Variants in FBXW11 observed in about 807,000 individuals in gnomAD.
FBXW11 encodes F-box/WD repeat-containing protein 11.
FBXW11 carries 19 observed loss-of-function variants against 77.6 expected under a neutral mutation model. The observed-to-expected ratio is 0.24, with a 90% CI of 0.17 to 0.36. The LOEUF (loss-of-function observed/expected upper bound fraction) is 0.36. FBXW11 is among the 10% of genes least tolerant of loss of function. The pLI is 1.00. For synonymous variants in FBXW11, 235 were observed against 249.4 expected (o/e 0.94, Z 0.54); for missense variants, 334 against 704.2 (o/e 0.47, Z 5.95).
At chr5:172,006,144 G>A (rs1766750252) in intron 1 of FBXW11, among the ~76,000 whole-genome samples, 1 of 152,250 alleles carries the variant, frequency 6.6e-6, no homozygotes, top group Non-Finnish European at 1.5e-5. Context: ...AAGGAGAATG[G>A]GGTGCTAGAG....
At chr5:171,990,695 A>T (rs1028471345) in intron 1 of FBXW11, among the ~76,000 whole-genome samples, 1 of 152,224 alleles carries the variant, frequency 6.6e-6, no homozygotes, top group African/African-American at 2.4e-5. Flanking sequence ...CTGATATGAA[A>T]GATAACTGAG....
chr5:171,901,701 T>C (rs1351005494), intron 4 of FBXW11, among the ~76,000 whole-genome samples: 1 of 152,182 alleles, frequency 6.6e-6, no homozygotes, highest in African/African-American at 2.4e-5. Context: ...ATCCCAGGCC[T>C]CTCCCCCAAA....
chr5:171,892,517 G>A (rs924149983), intron 6 of FBXW11, among the ~76,000 whole-genome samples: 6 of 152,132 alleles, frequency 3.9e-5, no homozygotes, highest in East Asian at 1.9e-4. Flanking sequence ...TGCCTCTTGC[G>A]GCAGTGCACA....
chr5:171,944,593 A>AC (rs1762915400), intron 2 of FBXW11, among the ~76,000 whole-genome samples: 1 of 150,784 alleles, frequency 6.6e-6, no homozygotes, highest in South Asian at 2.1e-4. Flanking sequence ...AAAAAAAAAA[A>AC]ACAACTAAAA....
intron 10 of FBXW11, among the ~76,000 whole-genome samples, chr5:171,871,466 T>C (rs921380307): frequency 2.6e-5 from 4 of 152,202 alleles, no homozygotes; most frequent in Non-Finnish European, 5.9e-5. Flanking sequence ...TGATACTATA[T>C]GCTGAATACT....
At chr5:171,989,964 CAA>C (rs773782492) in intron 1 of FBXW11, among the ~76,000 whole-genome samples, 20 of 152,120 alleles carry the variant, frequency 1.3e-4, no homozygotes, top group Non-Finnish European at 2.1e-4. Context: ...TGGTTTGAGA[CAA>C]AGAGAGAGAA....
At chr5:171,875,789 T>C (rs17074116) in intron 9 of FBXW11, among the ~76,000 whole-genome samples, 3,844 of 152,240 alleles carry the variant, frequency 0.025, 181 homozygotes, top group African/African-American at 0.089. Context: ...ACATGTCTTC[T>C]TCATCATCAT....
chr5:171,995,088 T>C (rs1765959815), intron 1 of FBXW11, among the ~76,000 whole-genome samples: 1 of 152,132 alleles, frequency 6.6e-6, no homozygotes, highest in Non-Finnish European at 1.5e-5. Flanking sequence ...GAAAATTTTT[T>C]TAAGATGAAA....
intron 5 of FBXW11, among the ~76,000 whole-genome samples, 164 bp from the exon 6 acceptor site, chr5:171,899,258 T>G (rs1386326113): frequency 6.6e-6 from 1 of 152,182 alleles, no homozygotes; most frequent in Non-Finnish European, 1.5e-5. Context: ...TACAGACAAG[T>G]TTAGCTCAAT....
At chr5:171,964,960 A>C (rs1764104520) in intron 1 of FBXW11, among the ~76,000 whole-genome samples, 1 of 152,206 alleles carries the variant, frequency 6.6e-6, no homozygotes, top group Non-Finnish European at 1.5e-5. Context: ...TTCTTGTCAT[A>C]ATATTATATC....
intron 7 of FBXW11, among the ~76,000 whole-genome samples, chr5:171,884,746 G>C (rs1028488328): frequency 2.0e-5 from 3 of 152,134 alleles, no homozygotes; most frequent in Non-Finnish European, 4.4e-5. Flanking sequence ...TGTCATCTAT[G>C]ATTTCTTTCA....
At chr5:171,963,084 C>T (rs1864983) in intron 1 of FBXW11, among the ~76,000 whole-genome samples, 3,241 of 152,196 alleles carry the variant, frequency 0.021, 115 homozygotes, top group African/African-American at 0.073. Context: ...AAAAACTTAT[C>T]TGAACTTATA....
chr5:171,914,281 T>A, intron 3 of FBXW11, 62 bp downstream of exon 3: 1 of 1,405,346 alleles, frequency 7.1e-7, no homozygotes, highest in South Asian at 1.3e-5. Context: ...GGACATTAAC[T>A]GAGGGAGCAT....
chr5:171,924,183 A>G (rs1761761696), intron 2 of FBXW11, among the ~76,000 whole-genome samples: 1 of 151,792 alleles, frequency 6.6e-6, no homozygotes, highest in Non-Finnish European at 1.5e-5. Flanking sequence ...CGGCCTCCCA[A>G]AGTGCTGGGA....
chr5:172,006,605 C>T lies in FBXW11; in HGVS notation c.-103G>A. 3.7e-6 allele frequency: 5 copies of T among 1,353,098 alleles called. No homozygotes were observed. The highest frequency in any genetic ancestry group is 4.8e-6 in the Non-Finnish European group (5 of 1,052,564). 83.8% of individuals were successfully genotyped at this position (1,353,098 alleles called of 1,614,324 possible). On this transcript the variant is annotated 5_prime_UTR_variant, in exon 1 of 14. Transcript: ENST00000517395. The stretch of plus-strand genomic sequence containing the variant: ...GCAGAGGCGGAGGCGGCTATCGCAC[C>T]CACTCTAGCTGCCAGCCCGCCCGGG...
intron 5 of FBXW11, 102 bp from the exon 6 acceptor site, chr5:171,899,196 T>A (rs373446843): frequency 1.3e-6 from 1 of 751,298 alleles, no homozygotes; most frequent in African/African-American, 1.8e-5. Flanking sequence ...GTCTTTTAAT[T>A]TGCATTGAGT....
At chr5:171,872,521 C>T (rs983584675) in intron 10 of FBXW11, among the ~76,000 whole-genome samples, 2 of 152,144 alleles carry the variant, frequency 1.3e-5, no homozygotes, top group African/African-American at 4.8e-5. Flanking sequence ...AAAGTACACT[C>T]CCATGTGTTA....
At chr5:171,959,845 C>A (rs1763804976) in intron 1 of FBXW11, among the ~76,000 whole-genome samples, 1 of 32,388 alleles carries the variant, frequency 3.1e-5, no homozygotes. Context: ...GCGAGACTGC[C>A]TCAAAAAAAA....
intron 7 of FBXW11, among the ~76,000 whole-genome samples, chr5:171,881,288 C>T (rs1361158163): frequency 6.6e-6 from 1 of 152,014 alleles, no homozygotes; most frequent in African/African-American, 2.4e-5. Flanking sequence ...TGTCTTATTC[C>T]TGACCTTAGT....
Sources: allele counts gnomAD v4.1 joint callset (sites outside exome capture counted in the v4.1 genomes callset), GRCh38; gene constraint gnomAD v4.1.1; transcripts MANE v1.5; gene names NCBI Gene and HGNC (gene_info 2026-07-23, HGNC 2026-07-21).